DOCK9: variants seen among roughly 807,000 people sequenced by gnomAD.
DOCK9 encodes the protein dedicator of cytokinesis protein 9.
A neutral mutation model predicts 263.3 loss-of-function variants in DOCK9; 89 were observed. That is an observed-to-expected ratio of 0.34 (90% CI 0.28 to 0.40). DOCK9 has a LOEUF of 0.40. Ranked by LOEUF, DOCK9 falls within the 10% of genes least tolerant of loss-of-function variation. The pLI is 1.00. For synonymous variants in DOCK9, 976 were observed against 973.1 expected, an observed-to-expected ratio of 1.00 and a Z score of -0.06; for missense variants, 2,140 against 2,603.4, an observed-to-expected ratio of 0.82 and a Z score of 3.87.
chr13:98,813,004 CTTAT>C (rs527790999), intron 45 of DOCK9, among the ~76,000 whole-genome samples: 14 of 152,114 alleles, frequency 9.2e-5, no homozygotes, highest in Non-Finnish European at 1.9e-4. Flanking sequence ...TATCATCCAG[CTTAT>C]TTGTTTCTAA....
At chr13:98,868,616 G>A (rs1165602495) in intron 27 of DOCK9, among the ~76,000 whole-genome samples, 1 of 152,136 alleles carries the variant, frequency 6.6e-6, no homozygotes, top group Non-Finnish European at 1.5e-5. Context: ...TTAGGTGGGT[G>A]TGGTGGTATG....
chr13:99,067,521 C>G (rs1350637711), intron 1 of DOCK9, among the ~76,000 whole-genome samples: 1 of 152,198 alleles, frequency 6.6e-6, no homozygotes, highest in Admixed American at 6.5e-5. Flanking sequence ...CCCCTCCTCT[C>G]CCAAAGGTCA....
At chr13:98,851,311 G>A (rs938398380) in intron 35 of DOCK9, among the ~76,000 whole-genome samples, 2 of 152,214 alleles carry the variant, frequency 1.3e-5, no homozygotes, top group African/African-American at 4.8e-5. Flanking sequence ...TATTAGACCA[G>A]TAATAAGGGT....
At chr13:98,993,674 G>A (rs1567181858) in intron 1 of DOCK9, among the ~76,000 whole-genome samples, 1 of 152,220 alleles carries the variant, frequency 6.6e-6, no homozygotes, top group Non-Finnish European at 1.5e-5. Flanking sequence ...CCGGGAGGCG[G>A]AGCTTGCAGT....
At chr13:98,999,245 G>C (rs1466353050) in intron 1 of DOCK9, among the ~76,000 whole-genome samples, 1 of 150,630 alleles carries the variant, frequency 6.6e-6, no homozygotes, top group African/African-American at 2.4e-5. Context: ...CTGGAACACA[G>C]GTCATAGGAG....
chr13:99,072,073 G>T (rs919936673), intron 1 of DOCK9, among the ~76,000 whole-genome samples: 2 of 152,082 alleles, frequency 1.3e-5, no homozygotes, highest in African/African-American at 4.8e-5. Flanking sequence ...TCTCTTTCAC[G>T]GTTTCCTTGA....
At chr13:98,980,990 G>A (rs748174169), upstream of DOCK9, among the ~76,000 whole-genome samples, 6 of 151,676 alleles carry the variant, frequency 4.0e-5, no homozygotes, top group Non-Finnish European at 7.4e-5. Flanking sequence ...AGGAAAACAT[G>A]ATCAGTTCCA....
intron 33 of DOCK9, chr13:98,859,753 G>GTGTGTATATATA (rs780605483): frequency 2.3e-5 from 3 of 132,488 alleles, no homozygotes; most frequent in African/African-American, 8.2e-5. Flanking sequence ...GTGTGTGTGT[G>GTGTGTATATATA]TATATATATA....
intron 1 of DOCK9, among the ~76,000 whole-genome samples, chr13:99,043,139 C>T (rs189989991): frequency 1.5e-4 from 23 of 152,330 alleles, no homozygotes; most frequent in African/African-American, 4.1e-4. Context: ...CCTGTCCCAC[C>T]GCCATCCAAT....
chr13:99,039,933 G>C (rs1888295305), intron 1 of DOCK9, among the ~76,000 whole-genome samples: 1 of 152,162 alleles, frequency 6.6e-6, no homozygotes, highest in South Asian at 2.1e-4. Flanking sequence ...TTTCTCATCT[G>C]TCAAATGGGG....
At chr13:98,828,658 G>T (rs992881799) in intron 43 of DOCK9, among the ~76,000 whole-genome samples, 5 of 152,202 alleles carry the variant, frequency 3.3e-5, no homozygotes, top group African/African-American at 1.2e-4. Context: ...GACACTGAAT[G>T]AGTTCTCCTA....
rs780251201 is a variant in DOCK9 at position 98,900,356 on chromosome 13, G to A, written c.1503+1422C>T. On this transcript the variant is annotated intron_variant, in intron 13 of 52. Coordinates refer to ENST00000682017, the MANE Select transcript of DOCK9 (RefSeq NM_001366683.2). ...GGCCTTGGAAATGTGTTGCATACACGGTCGGGGGAGGAGATCTTATATTGG... is the reference window on the plus strand; with the variant it reads ...GGCCTTGGAAATGTGTTGCATACACAGTCGGGGGAGGAGATCTTATATTGG... Among the ~76,000 whole-genome samples the A allele has an allele frequency of 2.0e-5, 3 of 152,170 alleles. No individual in the cohort carries two copies. In the South Asian group the frequency reaches 6.2e-4, roughly 32 times the overall value.
At position 98,866,877 on chromosome 13, in the gene DOCK9, G is replaced by A. The variant is rs554931649; in HGVS notation, c.3286+548C>T. 3.9e-5 allele frequency among the ~76,000 whole-genome samples: 6 copies of A among 152,234 alleles called. No homozygotes were observed. In the South Asian group the frequency reaches 1.2e-3, roughly 32 times the overall value. Reference sequence around the variant, plus strand: ...GAGCAAAAAACCGGATGCCTCCCTGGGATGTTACAGCAATGTCTTAGTTCC... The same window carrying A: ...GAGCAAAAAACCGGATGCCTCCCTGAGATGTTACAGCAATGTCTTAGTTCC... On this transcript the variant is annotated intron_variant, in intron 30 of 52. Coordinates refer to ENST00000682017, the MANE Select transcript of DOCK9 (RefSeq NM_001366683.2).
chr13:98,911,443 C>A (rs2050008243), intron 9 of DOCK9, among the ~76,000 whole-genome samples: 1 of 151,876 alleles, frequency 6.6e-6, no homozygotes, highest in African/African-American at 2.4e-5. Flanking sequence ...CATTATATAC[C>A]AATGAAAGTA....
Position 99,086,379 on chromosome 13 carries a change from G to A in DOCK9, c.-28C>T, listed in dbSNP as rs930224304. ...TCCTGCCCCCGCCGCCTCCGCCTCC[G>A]CCTGCTCCCGCGGCCCGGCCCGGCC... On this transcript the variant is annotated 5_prime_UTR_variant, in exon 1 of 33. Transcript: ENST00000427887. 6.0e-6 allele frequency: 7 copies of A among 1,163,654 alleles called. No homozygotes were observed. In the African/African-American group the frequency reaches 8.3e-5, roughly 14 times the overall value. The allele number at this position is 1,163,654 out of a possible 1,614,324, so 72.1% of individuals were successfully genotyped here.
rs564712276 is a variant in DOCK9 at position 98,852,294 on chromosome 13, T to C, written c.3946+1114A>G. 7.2e-4 allele frequency among the ~76,000 whole-genome samples: 110 copies of C among 152,306 alleles called. 1 individual carries two copies. The South Asian group carries it at 0.022, about 30-fold the overall frequency. On this transcript the variant is annotated intron_variant, in intron 35 of 52. Transcript: ENST00000682017. ...TTTGGTCATCATTCAGGGAAACTCT[T>C]GCTCGTCTGTTCTTTTTTAAAAACT... is the stretch of plus-strand genomic sequence containing the variant.
intron 1 of DOCK9, among the ~76,000 whole-genome samples, chr13:99,084,555 C>T (rs531984385): frequency 2.6e-5 from 4 of 152,202 alleles, no homozygotes; most frequent in Non-Finnish European, 5.9e-5. Flanking sequence ...GGAATGGACA[C>T]TCCTAGGTCA....
chr13:98,827,198 T>C (rs1049446816), intron 43 of DOCK9, among the ~76,000 whole-genome samples: 1 of 152,232 alleles, frequency 6.6e-6, no homozygotes, highest in Non-Finnish European at 1.5e-5. Flanking sequence ...CTAATACTTC[T>C]GCATCATTTC....
chr13:98,945,567 G>A (rs1022996644), intron 2 of DOCK9, among the ~76,000 whole-genome samples: 3 of 152,088 alleles, frequency 2.0e-5, no homozygotes, highest in African/African-American at 4.8e-5. Flanking sequence ...GGTCATTTTA[G>A]GACCTTGGGT....
Sources: gnomAD v4.1 joint callset for allele counts (sites outside exome capture counted in the v4.1 genomes callset) on GRCh38, gnomAD v4.1.1 for gene constraint, MANE v1.5 for transcripts, NCBI Gene and HGNC (gene_info 2026-07-23, HGNC 2026-07-21) for gene names.